Variants in FNIP1 observed in about 807,000 individuals in gnomAD.
The protein encoded by FNIP1 is folliculin-interacting protein 1.
Under a neutral mutation model 124.5 loss-of-function variants are expected in FNIP1, and 40 were observed. That is an observed-to-expected ratio of 0.32 (90% CI 0.25 to 0.42). The LOEUF is 0.42. Ranked by LOEUF, FNIP1 falls within the 10% of genes least tolerant of loss-of-function variation. FNIP1 has a pLI of 1.00. For missense variants in FNIP1, 1,176 were observed against 1,403.7 expected (o/e 0.84, Z 2.59); for synonymous variants, 472 against 470.6 (o/e 1.00, Z -0.04).
At chr5:131,697,219 G>A (rs1768726494) in intron 11 of FNIP1, among the ~76,000 whole-genome samples, 2 of 152,090 alleles carry the variant, frequency 1.3e-5, no homozygotes, top group South Asian at 2.1e-4. Context: ...CTAAAAGTAA[G>A]GTACATAGAC....
intron 1 of FNIP1, among the ~76,000 whole-genome samples, chr5:131,765,913 T>C (rs1771404998): frequency 6.6e-6 from 1 of 152,200 alleles, no homozygotes; most frequent in Non-Finnish European, 1.5e-5. Context: ...ATTGTAATCT[T>C]ACATCTTCTT....
chr5:131,763,313 ACACACACACACACG>A (rs946283131), intron 1 of FNIP1, among the ~76,000 whole-genome samples: 6 of 91,788 alleles, frequency 6.5e-5, no homozygotes, highest in Admixed American at 5.9e-4. Context: ...ACACACACAC[ACACACACACACACG>A]ACTACAATGG....
intron 6 of FNIP1, among the ~76,000 whole-genome samples, chr5:131,715,954 C>G (rs1769454118): frequency 6.6e-6 from 1 of 152,072 alleles, no homozygotes; most frequent in Non-Finnish European, 1.5e-5. Flanking sequence ...TTTTTATGCA[C>G]CAGAAGTATC....
At chr5:131,736,832 T>C (rs944171169) in intron 2 of FNIP1, among the ~76,000 whole-genome samples, 25 of 152,174 alleles carry the variant, frequency 1.6e-4, no homozygotes, top group African/African-American at 6.0e-4. Flanking sequence ...TGTGGTTACG[T>C]AGAAGAATGT....
At chr5:131,729,217 G>A (rs1769993317) in intron 3 of FNIP1, among the ~76,000 whole-genome samples, 1 of 152,210 alleles carries the variant, frequency 6.6e-6, no homozygotes, top group Non-Finnish European at 1.5e-5. Flanking sequence ...AAGCTGTGCT[G>A]AGAGATCCAC....
chr5:131,780,831 A>G (rs1287958364), intron 1 of FNIP1, among the ~76,000 whole-genome samples: 1 of 152,196 alleles, frequency 6.6e-6, no homozygotes, highest in Non-Finnish European at 1.5e-5. Context: ...AGGCCAATTA[A>G]TAACCCCACA....
intron 3 of FNIP1, 84 bp from the exon 4 acceptor site, chr5:131,719,501 G>C: frequency 8.1e-7 from 1 of 1,237,134 alleles, no homozygotes; most frequent in Non-Finnish European, 1.1e-6. Flanking sequence ...AAAAATTCTT[G>C]ATATAGTTAT....
At position 131,693,346 on chromosome 5, in the gene FNIP1, A is replaced by ATATG. The variant is rs1554094504; in HGVS notation, c.1202+5570_1202+5571insCATA. On this transcript the variant is annotated intron_variant, in intron 11 of 17. Coordinates refer to ENST00000510461, the MANE Select transcript of FNIP1 (RefSeq NM_133372.3). ...TATATATATATACATATATATATAT[A>ATATG]TATATATATATATATAGTTACAGAG... 6.8e-5 allele frequency among the ~76,000 whole-genome samples: 9 copies of ATATG among 131,828 alleles called. No homozygotes were observed. The South Asian group carries it at 7.0e-4, about 10-fold the overall frequency. The allele number at this position is 131,828 out of a possible 152,430, so 86.5% of individuals were successfully genotyped here.
rs530066218 is a variant in FNIP1, at chr5:131,691,881, T to G, written c.1202+7036A>C. Among the ~76,000 whole-genome samples, 6 of 152,308 alleles carry G rather than the reference T, an allele frequency of 3.9e-5. No homozygotes were observed. The South Asian group carries it at 1.2e-3, about 32-fold the overall frequency. ...AACTACCTCAACTTGAAAGAATATC[T>G]ACAAGAAACCTACAGCTAACATCAT... On this transcript the variant is annotated intron_variant, in intron 11 of 17. Transcript: ENST00000510461.
chr5:131,792,267 TCTC>T (rs1260599644), intron 1 of FNIP1, among the ~76,000 whole-genome samples: 3 of 151,924 alleles, frequency 2.0e-5, no homozygotes, highest in African/African-American at 7.3e-5. Flanking sequence ...TTCAAGCGAT[TCTC>T]CTGCCTCAGC....
In FNIP1 at chr5:131,672,720, T is replaced by C; in HGVS notation, c.1724A>G (p.Lys575Arg). The change falls in exon 14 of 18, where the codon AAA becomes AGA. Residue 575 changes from lysine to arginine, a missense_variant. Lys to Arg is a conservative substitution (Grantham distance 26). This residue lies in a region of FNIP1 where 1,109 missense variants were observed against 1,288.5 expected (regional missense o/e 0.86). Coordinates refer to ENST00000510461, the MANE Select transcript of FNIP1 (RefSeq NM_133372.3). ...ATACTCTGATTCTTCTATTTCACCT[T>C]TCTCTAAAGTGGTAGTAATTACTGT... Reference protein sequence around the residue: ...PGTVITTTLEKGEIEESEYVL... With the variant: ...PGTVITTTLERGEIEESEYVL... 1 of 1,613,570 alleles carries C rather than the reference T, an allele frequency of 6.2e-7. No homozygotes were observed. The highest frequency in any genetic ancestry group is 8.5e-7 in the Non-Finnish European group (1 of 1,179,722).
Position 131,742,490 on chromosome 5 carries a change from CT to C in FNIP1, c.219+2073del, listed in dbSNP as rs148655813. Among the ~76,000 whole-genome samples, 511 of 152,228 alleles carry C rather than the reference CT, an allele frequency of 3.4e-3. 4 individuals are homozygous for C. Among genetic ancestry groups the C allele is most frequent in the African/African-American group, 0.012 (486 of 41,548 alleles). On this transcript the variant is annotated intron_variant, in intron 2 of 17. Coordinates refer to ENST00000510461, the MANE Select transcript of FNIP1 (RefSeq NM_133372.3). The stretch of plus-strand genomic sequence containing the variant: ...GAAAACAAACAGACAACAAAAAACC[CT>C]GTCTCAAAAAAGAAAAGGCTTTGGT...
intron 1 of FNIP1, among the ~76,000 whole-genome samples, chr5:131,790,390 G>A (rs2149590433): frequency 6.7e-6 from 1 of 150,052 alleles, no homozygotes; most frequent in African/African-American, 2.5e-5. Context: ...GAGGTGGGGA[G>A]ATGGCTTAAG....
At chr5:131,792,616 T>A (rs1772444732) in intron 1 of FNIP1, among the ~76,000 whole-genome samples, 1 of 152,194 alleles carries the variant, frequency 6.6e-6, no homozygotes, top group African/African-American at 2.4e-5. Flanking sequence ...AGGATGAGCA[T>A]CTCTAGTCCA....
At chr5:131,779,147 T>TAAAAAA (rs78900804) in intron 1 of FNIP1, among the ~76,000 whole-genome samples, 3 of 122,822 alleles carry the variant, frequency 2.4e-5, no homozygotes, top group African/African-American at 6.0e-5. Flanking sequence ...AAAGTATAAT[T>TAAAAAA]AAAAAAAAAA....
intron 11 of FNIP1, among the ~76,000 whole-genome samples, chr5:131,697,344 C>T (rs924693369): frequency 9.2e-5 from 14 of 152,056 alleles, no homozygotes; most frequent in African/African-American, 2.7e-4. Context: ...AGGCTAGTCT[C>T]GAACTCCTGA....
At chr5:131,688,568 GATAA>G (rs1251609866) in intron 11 of FNIP1, among the ~76,000 whole-genome samples, 1 of 151,340 alleles carries the variant, frequency 6.6e-6, no homozygotes, top group African/African-American at 2.4e-5. Context: ...TGAAAATTAT[GATAA>G]ATATGTTTAT....
intron 11 of FNIP1, among the ~76,000 whole-genome samples, chr5:131,688,941 T>C (rs1472950447): frequency 1.3e-5 from 2 of 151,114 alleles, no homozygotes; most frequent in African/African-American, 4.9e-5. Flanking sequence ...TAGCTTCGAA[T>C]TAAAAAAAAA....
intron 7 of FNIP1, 29 bp downstream of exon 7, chr5:131,710,549 C>G (rs765298223): frequency 1.9e-6 from 3 of 1,600,986 alleles, no homozygotes; most frequent in South Asian, 2.2e-5. Context: ...GGCACACCAA[C>G]TAGTCTACCC....
Sources: allele counts gnomAD v4.1 joint callset (sites outside exome capture counted in the v4.1 genomes callset), GRCh38; gene constraint gnomAD v4.1.1; regional missense constraint gnomAD v4.1.1; transcripts MANE v1.5; gene names NCBI Gene and HGNC (gene_info 2026-07-23, HGNC 2026-07-21).